The following DLG2 variants were observed in gnomAD, a reference collection of about 807,000 sequenced individuals.
DLG2 encodes the protein disks large homolog 2.
Under a neutral mutation model 132.5 loss-of-function variants are expected in DLG2, and 45 were observed. The ratio of observed to expected loss-of-function variants is 0.34; its 90% CI spans 0.27 to 0.44. The LOEUF (loss-of-function observed/expected upper bound fraction) is 0.44. Ranked by LOEUF, DLG2 falls within the 20% of genes least tolerant of loss-of-function variation. The pLI is 1.00. For missense variants in DLG2, 1,045 were observed against 1,196.9 expected (o/e 0.87, Z 1.87); for synonymous variants, 424 against 419.6 (o/e 1.01, Z -0.13).
In DLG2 at chr11:84,947,345, C is replaced by G. The variant is rs763845013; in HGVS notation, c.357+164316G>C. Among the ~76,000 whole-genome samples, 26 of 152,180 alleles carry G rather than the reference C, an allele frequency of 1.7e-4. 1 individual carries two copies. Among genetic ancestry groups the G allele is most frequent in the Admixed American group, 1.0e-3 (16 of 15,274 alleles). ...CTCTTCCCAATAGATCTTTGACCCA[C>G]AGTCTCTGCAGTAACTGGCTCAAAA... On this transcript the variant is annotated intron_variant, in intron 6 of 27. Transcript: ENST00000376104.
At chr11:85,267,400 A>G (rs1264801901) in intron 4 of DLG2, among the ~76,000 whole-genome samples, 2 of 152,210 alleles carry the variant, frequency 1.3e-5, no homozygotes, top group African/African-American at 4.8e-5. Flanking sequence ...ACTGACTTAG[A>G]TACATTTGCT....
At chr11:85,563,192 G>A (rs182442444) in intron 3 of DLG2, among the ~76,000 whole-genome samples, 108 of 151,602 alleles carry the variant, frequency 7.1e-4, no homozygotes, top group African/African-American at 2.5e-3. Context: ...AGCCTCAGTG[G>A]GATTTTTTAA....
chr11:84,432,734 T>C (rs2098988391), intron 7 of DLG2, among the ~76,000 whole-genome samples: 1 of 152,120 alleles, frequency 6.6e-6, no homozygotes. Flanking sequence ...TTTAAAAAGT[T>C]TTCCAAGGTG....
chr11:84,859,422 A>G (rs11234212), intron 6 of DLG2, among the ~76,000 whole-genome samples: 7 of 144,454 alleles, frequency 4.8e-5, no homozygotes, highest in Non-Finnish European at 9.0e-5. Context: ...ATATGTATAC[A>G]TATACATATA....
At chr11:83,689,130 C>CT (rs2080377228) in intron 18 of DLG2, among the ~76,000 whole-genome samples, 1 of 151,986 alleles carries the variant, frequency 6.6e-6, no homozygotes, top group South Asian at 2.1e-4. Context: ...CATTAAGGTG[C>CT]TATAGAGGTT....
At chr11:85,054,605 A>C (rs1330228752) in intron 6 of DLG2, among the ~76,000 whole-genome samples, 1 of 152,228 alleles carries the variant, frequency 6.6e-6, no homozygotes, top group Non-Finnish European at 1.5e-5. Context: ...GCAGGTGTGA[A>C]ATCAACCTAG....
chr11:84,309,010 C>G (rs984441858), intron 7 of DLG2, among the ~76,000 whole-genome samples: 6 of 152,214 alleles, frequency 3.9e-5, no homozygotes, highest in African/African-American at 1.4e-4. Context: ...CTGAAGGGCT[C>G]CTCAAGTGCC....
intron 15 of DLG2, among the ~76,000 whole-genome samples, chr11:83,893,449 T>C (rs1346241368): frequency 6.6e-6 from 1 of 152,216 alleles, no homozygotes; most frequent in Non-Finnish European, 1.5e-5. Flanking sequence ...CTCTCAGATA[T>C]TTTCGCTAGT....
intron 7 of DLG2, among the ~76,000 whole-genome samples, chr11:84,441,629 T>G (rs2099017559): frequency 6.6e-6 from 1 of 152,096 alleles, no homozygotes; most frequent in Non-Finnish European, 1.5e-5. Flanking sequence ...CATAACATAT[T>G]CTCATTAGTA....
At chr11:85,261,509 T>C (rs919406370) in intron 4 of DLG2, among the ~76,000 whole-genome samples, 2 of 151,798 alleles carry the variant, frequency 1.3e-5, no homozygotes, top group African/African-American at 4.8e-5. Context: ...TTGTTGAGAG[T>C]CTGTCAGCAG....
chr11:83,683,958 A>C (rs1321688625), intron 18 of DLG2, among the ~76,000 whole-genome samples: 1 of 151,874 alleles, frequency 6.6e-6, no homozygotes, highest in Non-Finnish European at 1.5e-5. Flanking sequence ...TTCCACCATT[A>C]CTCAAATAAA....
At chr11:83,681,599 C>A (rs1055133819) in intron 18 of DLG2, among the ~76,000 whole-genome samples, 2 of 152,144 alleles carry the variant, frequency 1.3e-5, no homozygotes, top group African/African-American at 4.8e-5. Flanking sequence ...CTGATCCCAT[C>A]CCGGCAAAAC....
At chr11:84,572,072 T>TTTA (rs1490786847) in intron 6 of DLG2, among the ~76,000 whole-genome samples, 206 of 151,988 alleles carry the variant, frequency 1.4e-3, no homozygotes, top group African/African-American at 4.8e-3. Flanking sequence ...TTTTGTAAAT[T>TTTA]TTATTATTAT....
chr11:84,173,442 C>T (rs939994027), intron 8 of DLG2, among the ~76,000 whole-genome samples: 1 of 152,178 alleles, frequency 6.6e-6, no homozygotes, highest in Non-Finnish European at 1.5e-5. Context: ...CCTCACCTCA[C>T]CACCCATCTA....
At chr11:85,471,713 C>A (rs570838822) in intron 3 of DLG2, among the ~76,000 whole-genome samples, 133 of 152,192 alleles carry the variant, frequency 8.7e-4, no homozygotes, top group African/African-American at 3.1e-3. Flanking sequence ...TGAGAATGAT[C>A]AAGCACAACA....
intron 7 of DLG2, among the ~76,000 whole-genome samples, chr11:84,278,257 G>T (rs1156999231): frequency 6.6e-6 from 1 of 151,902 alleles, no homozygotes; most frequent in African/African-American, 2.4e-5. Context: ...CAAATTCCTT[G>T]AAAGATGCAA....
chr11:83,698,124 G>C (rs773249371), intron 18 of DLG2, among the ~76,000 whole-genome samples: 1 of 152,324 alleles, frequency 6.6e-6, no homozygotes, highest in East Asian at 1.9e-4. Flanking sequence ...TAATGTCACA[G>C]GGTTGTGATG....
chr11:83,685,026 T>C lies in DLG2; in HGVS notation c.1826-51701A>G, dbSNP rs537931563. Among the ~76,000 whole-genome samples, 364 of 152,308 alleles carry C rather than the reference T, an allele frequency of 2.4e-3. 6 individuals are homozygous for C. The highest frequency in any genetic ancestry group is 5.8e-4 in the East Asian group (3 of 5,184). On this transcript the variant is annotated intron_variant, in intron 18 of 27. Transcript: ENST00000376104. The stretch of plus-strand genomic sequence containing the variant: ...AAATTAGTGATGGTGCTAGTATTTA[T>C]TGAGCACTTATTATGGGCTGACAAT...
intron 8 of DLG2, among the ~76,000 whole-genome samples, chr11:84,236,256 C>T (rs938251223): frequency 2.0e-5 from 3 of 152,182 alleles, no homozygotes; most frequent in Non-Finnish European, 4.4e-5. Context: ...GTTAAATAAA[C>T]TTTTGGCCAT....
Sources: allele counts gnomAD v4.1 joint callset (sites outside exome capture counted in the v4.1 genomes callset), GRCh38; gene constraint gnomAD v4.1.1; transcripts MANE v1.5; gene names NCBI Gene and HGNC (gene_info 2026-07-23, HGNC 2026-07-21).